Variants in MPHOSPH9 observed in about 807,000 individuals in gnomAD.
MPHOSPH9 encodes M-phase phosphoprotein 9.
In MPHOSPH9, 88 loss-of-function variants were observed where a neutral mutation model predicts 145.5. The observed-to-expected ratio is 0.60, with a 90% CI of 0.51 to 0.72. MPHOSPH9 has a LOEUF of 0.72. Ranked by LOEUF, MPHOSPH9 falls within the 30% of genes least tolerant of loss-of-function variation. The pLI is 0.00. For synonymous variants in MPHOSPH9, 435 were observed against 486.2 expected, an observed-to-expected ratio of 0.89 and a Z score of 1.39; for missense variants, 1,238 against 1,386.6, an observed-to-expected ratio of 0.89 and a Z score of 1.70.
intron 13 of MPHOSPH9, among the ~76,000 whole-genome samples, chr12:123,181,663 C>T (rs934116757): frequency 2.6e-5 from 4 of 151,944 alleles, no homozygotes; most frequent in African/African-American, 9.7e-5. Flanking sequence ...CTCAAGAGTT[C>T]AAGGCTACAG....
chr12:123,193,971 G>A (rs1195319756), intron 13 of MPHOSPH9, among the ~76,000 whole-genome samples: 1 of 152,090 alleles, frequency 6.6e-6, no homozygotes, highest in Non-Finnish European at 1.5e-5. Flanking sequence ...GCAAAGTTAT[G>A]TAAAACTAAA....
chr12:123,157,478 C>T (rs921535983), intron 23 of MPHOSPH9, among the ~76,000 whole-genome samples: 9 of 151,978 alleles, frequency 5.9e-5, no homozygotes, highest in Non-Finnish European at 8.8e-5. Context: ...TATCATTATA[C>T]ATACTTCTGT....
At chr12:123,192,795 T>C (rs1360728551) in intron 13 of MPHOSPH9, among the ~76,000 whole-genome samples, 1 of 151,844 alleles carries the variant, frequency 6.6e-6, no homozygotes, top group Non-Finnish European at 1.5e-5. Flanking sequence ...ACCATTATTT[T>C]ACAAATTACT....
intron 22 of MPHOSPH9, 127 bp from the exon 23 acceptor site, chr12:123,160,976 A>AT: frequency 7.6e-7 from 1 of 1,319,476 alleles, no homozygotes; most frequent in Non-Finnish European, 1.0e-6. Context: ...CCCTCTGTCA[A>AT]TTAGTAACGA....
intron 7 of MPHOSPH9, among the ~76,000 whole-genome samples, chr12:123,212,261 G>A (rs1347419425): frequency 6.6e-6 from 1 of 152,060 alleles, no homozygotes; most frequent in African/African-American, 2.4e-5. Context: ...GAGGGCATCA[G>A]CCATTTTAGC....
chr12:123,241,700 C>A (rs532267530), intron 1 of MPHOSPH9, among the ~76,000 whole-genome samples: 29 of 151,070 alleles, frequency 1.9e-4, no homozygotes, highest in Non-Finnish European at 3.4e-4. Context: ...AGCTTCTGGG[C>A]TCAAGCAATC....
In MPHOSPH9 at chr12:123,165,466, G is replaced by A. The variant is rs1393902417; in HGVS notation, c.2603C>T (p.Pro868Leu). The A allele has an allele frequency of 3.1e-6, 5 of 1,613,404 alleles. No homozygotes were observed. Among genetic ancestry groups the A allele is most frequent in the Non-Finnish European group, 3.4e-6 (4 of 1,179,868 alleles). The change falls in exon 18 of 24, where the codon CCT becomes CTT. Residue 868 changes from proline (P) to leucine (L), a missense_variant. Transcript: ENST00000606320. Reference sequence around the variant, plus strand: ...TCCAGGTGAAGAATCCTTTTCCAGAGGTGAACGGTGCCTTAAACAATAATT... The same window carrying A: ...TCCAGGTGAAGAATCCTTTTCCAGAAGTGAACGGTGCCTTAAACAATAATT... The part of the protein sequence containing the change: ...EETCSLGHRS[P>L]LEKDSSPGSS...
chr12:123,204,862 G>A (rs570811171), intron 8 of MPHOSPH9, among the ~76,000 whole-genome samples: 36 of 152,232 alleles, frequency 2.4e-4, no homozygotes, highest in Admixed American at 6.6e-4. Flanking sequence ...TAGCCTGGGC[G>A]ACAGAGCAAA....
rs762668399 is a variant in MPHOSPH9 at position 123,181,197 on chromosome 12, T to C, written c.2255A>G (p.Tyr752Cys). The change falls in exon 14 of 24, where the codon TAT (tyrosine) becomes TGT (cysteine). Residue 752 changes from tyrosine to cysteine, a missense_variant. Around this residue, in one of 3 missense-constraint regions of MPHOSPH9, gnomAD observed 837 missense variants for 897.5 expected, o/e 0.93. Transcript: ENST00000606320. ...CCTGTGTTCTTTTCCAAGGGACTCATACTCTCCTAAAAGCTACAAGGAAAA... is the reference window on the plus strand; with the variant it reads ...CCTGTGTTCTTTTCCAAGGGACTCACACTCTCCTAAAAGCTACAAGGAAAA... ...NKMFQDLLGE[Y>C]ESLGKEHRRV... The C allele has an allele frequency of 8.1e-6, 13 of 1,611,932 alleles. No individual in the cohort carries two copies. Among genetic ancestry groups the C allele is most frequent in the Non-Finnish European group, 1.1e-5 (13 of 1,178,530 alleles).
chr12:123,163,849 G>A (rs2044203835), intron 19 of MPHOSPH9, 101 bp downstream of exon 19: 1 of 1,429,950 alleles, frequency 7.0e-7, no homozygotes, highest in Non-Finnish European at 9.7e-7. Context: ...TAGGTGCTGA[G>A]GATACAAGAG....
At chr12:123,240,162 G>A (rs1170543666) in intron 1 of MPHOSPH9, among the ~76,000 whole-genome samples, 2 of 148,018 alleles carry the variant, frequency 1.4e-5, no homozygotes, top group African/African-American at 5.0e-5. Flanking sequence ...TCAGGAGTTC[G>A]AGACCACCCT....
At chr12:123,207,758 T>C (rs1727290) in intron 8 of MPHOSPH9, among the ~76,000 whole-genome samples, 97,244 of 150,810 alleles carry the variant, frequency 0.64, 35,694 homozygotes, top group East Asian at 1. Context: ...AAGGTTGAGG[T>C]GGGAGAATCA....
chr12:123,183,100 G>T (rs2045265892), intron 13 of MPHOSPH9, among the ~76,000 whole-genome samples: 1 of 151,958 alleles, frequency 6.6e-6, no homozygotes. Flanking sequence ...ACACATATGT[G>T]AGATTTCTGG....
At chr12:123,228,249 T>G (rs1345904622) in intron 2 of MPHOSPH9, among the ~76,000 whole-genome samples, 1 of 152,204 alleles carries the variant, frequency 6.6e-6, no homozygotes, top group South Asian at 2.1e-4. Context: ...TTCAGGACAT[T>G]AAAATGTACT....
At chr12:123,195,272 C>A (rs1159886528) in intron 12 of MPHOSPH9, among the ~76,000 whole-genome samples, 1 of 151,962 alleles carries the variant, frequency 6.6e-6, no homozygotes, top group Non-Finnish European at 1.5e-5. Flanking sequence ...ACATTTCATA[C>A]CCTCTCACTA....
At chr12:123,214,056 A>T (rs1727324) in intron 7 of MPHOSPH9, among the ~76,000 whole-genome samples, 128,353 of 152,076 alleles carry the variant, frequency 0.84, 54,545 homozygotes, top group East Asian at 1. Context: ...GGAAAAAAAA[A>T]AAAGTCTGTA....
At chr12:123,200,768 C>T (rs2046187608) in intron 11 of MPHOSPH9, among the ~76,000 whole-genome samples, 2 of 151,668 alleles carry the variant, frequency 1.3e-5, no homozygotes, top group South Asian at 4.2e-4. Context: ...AAGTGATTCT[C>T]CTGCCTCAGC....
At chr12:123,153,474 T>C (rs1236594072), downstream of MPHOSPH9, 1 of 152,190 alleles carries the variant, frequency 6.6e-6, no homozygotes, top group Non-Finnish European at 1.5e-5. Flanking sequence ...TCAGAAAGTA[T>C]GCTACCTCAA....
chr12:123,196,548 T>A (rs1230492366), intron 12 of MPHOSPH9, among the ~76,000 whole-genome samples: 1 of 152,076 alleles, frequency 6.6e-6, no homozygotes, highest in East Asian at 1.9e-4. Flanking sequence ...AGATTGGGAA[T>A]GACATAACAA....
Sources: allele counts gnomAD v4.1 joint callset (sites outside exome capture counted in the v4.1 genomes callset), GRCh38; gene constraint gnomAD v4.1.1; regional missense constraint gnomAD v4.1.1; transcripts MANE v1.5; gene names NCBI Gene and HGNC (gene_info 2026-07-23, HGNC 2026-07-21).